CENPP: variants seen among roughly 807,000 people sequenced by gnomAD.
CENPP encodes the protein centromere protein P.
CENPP carries 24 observed loss-of-function variants against 35.6 expected under a neutral mutation model. That is an observed-to-expected ratio of 0.67 (90% CI 0.49 to 0.95). CENPP has a LOEUF of 0.95. Among genes scored for constraint, CENPP ranks in the 40% least tolerant of loss-of-function variants. The pLI is 0.00. For synonymous variants in CENPP, 120 were observed against 125.5 expected, an observed-to-expected ratio of 0.96 and a Z score of 0.29; for missense variants, 332 against 345.3, an observed-to-expected ratio of 0.96 and a Z score of 0.31.
At chr9:92,586,139 G>A (rs986741397) in intron 5 of CENPP, among the ~76,000 whole-genome samples, 18 of 152,112 alleles carry the variant, frequency 1.2e-4, no homozygotes, top group Admixed American at 8.5e-4. Flanking sequence ...TCCGCCTCCC[G>A]GTTTCAGACG....
intron 5 of CENPP, among the ~76,000 whole-genome samples, chr9:92,511,187 G>A (rs1331169942): frequency 2.6e-5 from 4 of 152,156 alleles, no homozygotes; most frequent in East Asian, 1.9e-4. Flanking sequence ...GTGCAATGGC[G>A]CGATCTCGGC....
intron 5 of CENPP, among the ~76,000 whole-genome samples, chr9:92,448,758 C>T (rs547488803): frequency 6.6e-6 from 1 of 152,266 alleles, no homozygotes; most frequent in Admixed American, 6.5e-5. Flanking sequence ...TACGTTATTT[C>T]CAGGAATGGC....
chr9:92,565,045 C>T (rs917156940), intron 5 of CENPP, among the ~76,000 whole-genome samples: 4 of 151,870 alleles, frequency 2.6e-5, no homozygotes, highest in Non-Finnish European at 5.9e-5. Flanking sequence ...TTGGTTAAAT[C>T]ACAATATATT....
chr9:92,452,662 T>A (rs1844747314), intron 5 of CENPP, among the ~76,000 whole-genome samples: 1 of 152,168 alleles, frequency 6.6e-6, no homozygotes, highest in Admixed American at 6.5e-5. Context: ...TGGAATAGTT[T>A]CAGAAGGAAT....
chr9:92,589,465 A>T (rs1305049626), intron 5 of CENPP, among the ~76,000 whole-genome samples: 1 of 152,178 alleles, frequency 6.6e-6, no homozygotes, highest in African/African-American at 2.4e-5. Context: ...GGGAAAAAAA[A>T]AAATCCAAAC....
Position 92,614,685 on chromosome 9 carries a change from A to G in CENPP, c.*1536A>G, listed in dbSNP as rs1481820939. The G allele has an allele frequency of 5.2e-5, 8 of 152,528 alleles. No homozygotes were observed. Among genetic ancestry groups the G allele is most frequent in the African/African-American group, 9.7e-5 (4 of 41,440 alleles). The allele number at this position is 152,528 out of a possible 1,614,324, so 9.4% of individuals were successfully genotyped here. On this transcript the variant is annotated 3_prime_UTR_variant, in exon 8 of 8. Transcript: ENST00000375587. ...ATAATTCCATGGTTTCACTAATATTATATGTTACAATAAGCCTCCATTAGT... is the reference window on the plus strand; with the variant it reads ...ATAATTCCATGGTTTCACTAATATTGTATGTTACAATAAGCCTCCATTAGT...
intron 5 of CENPP, chr9:92,514,643 G>A (rs1185843664): frequency 1.3e-6 from 2 of 1,582,794 alleles, no homozygotes; most frequent in South Asian, 1.1e-5. Flanking sequence ...GTGAGCTCCA[G>A]ACTTGTTATC....
At chr9:92,423,578 AT>A (rs1843878859) in intron 5 of CENPP, among the ~76,000 whole-genome samples, 1 of 152,124 alleles carries the variant, frequency 6.6e-6, no homozygotes, top group South Asian at 2.1e-4. Flanking sequence ...TTTTTTTGCT[AT>A]TAAAAATACA....
intron 5 of CENPP, chr9:92,515,058 T>G (rs577270956): frequency 1.9e-6 from 3 of 1,614,190 alleles, no homozygotes; most frequent in East Asian, 2.2e-5. Flanking sequence ...ATTGAAGTGC[T>G]TCTTTTCTTA....
chr9:92,495,241 GA>G (rs1245542006), intron 5 of CENPP: 3 of 655,442 alleles, frequency 4.6e-6, no homozygotes, highest in Non-Finnish European at 1.9e-6. Context: ...ATAAAACTGA[GA>G]GTAACAAAAG....
intron 3 of CENPP, among the ~76,000 whole-genome samples, chr9:92,345,427 G>T (rs1841261596): frequency 6.6e-6 from 1 of 151,006 alleles, no homozygotes; most frequent in East Asian, 1.9e-4. Context: ...AGGAGGCGGA[G>T]GTTGCGGTGA....
At chr9:92,546,545 A>G (rs1849457794) in intron 5 of CENPP, among the ~76,000 whole-genome samples, 1 of 152,140 alleles carries the variant, frequency 6.6e-6, no homozygotes, top group Non-Finnish European at 1.5e-5. Context: ...GTCAACGCCA[A>G]GGTCTGCAGC....
chr9:92,380,774 C>T (rs867805894), intron 5 of CENPP, among the ~76,000 whole-genome samples: 1 of 152,076 alleles, frequency 6.6e-6, no homozygotes, highest in African/African-American at 2.4e-5. Context: ...CAGTAATGAC[C>T]AGGGAGTGTG....
In CENPP at chr9:92,355,371, GT is replaced by G. The variant is rs546613797; in HGVS notation, c.467+9595del. On this transcript the variant is annotated intron_variant, in intron 4 of 7. Coordinates refer to ENST00000375587, the MANE Select transcript of CENPP (RefSeq NM_001012267.3). ...CGATATCTCTCCTACTTGCATGTCT[GT>G]TTTTTTTTTTCTTCAAGTAATTCAG... Among the ~76,000 whole-genome samples the G allele has an allele frequency of 3.1e-3, 453 of 146,234 alleles. 3 individuals are homozygous for G. Among genetic ancestry groups the G allele is most frequent in the African/African-American group, 1.0e-2 (401 of 40,230 alleles).
chr9:92,519,817 T>G (rs891018021), intron 5 of CENPP, among the ~76,000 whole-genome samples: 1 of 152,020 alleles, frequency 6.6e-6, no homozygotes, highest in African/African-American at 2.4e-5. Flanking sequence ...AAATTAGACT[T>G]TATCAAAATT....
chr9:92,356,965 A>C lies in CENPP; in HGVS notation c.467+11178A>C, dbSNP rs979520538. Among the ~76,000 whole-genome samples, 21 of 152,294 alleles carry C rather than the reference A, an allele frequency of 1.4e-4. 1 individual carries two copies. In the East Asian group the frequency reaches 3.3e-3, roughly 24 times the overall value. ...GAACTTGTATATTTATATGTTGTGC[A>C]CCCCAAAATGTAAACTAATAATTCT... On this transcript the variant is annotated intron_variant, in intron 4 of 7. Coordinates refer to ENST00000375587, the MANE Select transcript of CENPP (RefSeq NM_001012267.3).
intron 5 of CENPP, among the ~76,000 whole-genome samples, chr9:92,432,325 C>CA (rs201796744): frequency 0.02 from 2,760 of 138,338 alleles, 97 homozygotes; most frequent in East Asian, 0.17. Flanking sequence ...AACTCCATCT[C>CA]AAAAAAAAAA....
chr9:92,616,092 G>A lies in CENPP; in HGVS notation c.*2943G>A. On this transcript the variant is annotated 3_prime_UTR_variant, in exon 8 of 8. Coordinates refer to ENST00000375587, the MANE Select transcript of CENPP (RefSeq NM_001012267.3). Reference sequence around the variant, plus strand: ...AAAAGTACCATTTCAGGATACACAAGCCCCCCATTCATTTCCCTCCCTCCC... The same window carrying A: ...AAAAGTACCATTTCAGGATACACAAACCCCCCATTCATTTCCCTCCCTCCC... 1 of 1,451,222 alleles carries A rather than the reference G, an allele frequency of 6.9e-7. No individual in the cohort carries two copies. 89.9% of individuals were successfully genotyped at this position (1,451,222 alleles called of 1,614,324 possible).
intron 5 of CENPP, among the ~76,000 whole-genome samples, chr9:92,460,287 G>A (rs1845056054): frequency 6.6e-6 from 1 of 152,046 alleles, no homozygotes; most frequent in Non-Finnish European, 1.5e-5. Flanking sequence ...GCCCGCCTTG[G>A]CCTCCCAAAG....
Sources: gnomAD v4.1 joint callset for allele counts (sites outside exome capture counted in the v4.1 genomes callset) on GRCh38, gnomAD v4.1.1 for gene constraint, MANE v1.5 for transcripts, NCBI Gene and HGNC (gene_info 2026-07-23, HGNC 2026-07-21) for gene names.